ANKH: variants seen among roughly 807,000 people sequenced by gnomAD.
The protein encoded by ANKH is ANKH inorganic pyrophosphate transport regulator.
ANKH carries 15 observed loss-of-function variants against 49.0 expected under a neutral mutation model. That is an observed-to-expected ratio of 0.31 (90% CI 0.20 to 0.47). The LOEUF (loss-of-function observed/expected upper bound fraction) is 0.47. ANKH is among the 20% of genes least tolerant of loss of function. ANKH has a pLI of 1.00. For synonymous variants in ANKH, 273 were observed against 260.0 expected (o/e 1.05, Z -0.48); for missense variants, 429 against 652.0 (o/e 0.66, Z 3.72).
At chr5:14,857,645 C>T (rs962012033) in intron 1 of ANKH, among the ~76,000 whole-genome samples, 17 of 151,730 alleles carry the variant, frequency 1.1e-4, no homozygotes, top group African/African-American at 4.8e-5. Context: ...GCAACAGAGA[C>T]TCCATCTCAA....
intron 1 of ANKH, among the ~76,000 whole-genome samples, chr5:14,787,021 C>G (rs893224235): frequency 6.6e-6 from 1 of 152,144 alleles, no homozygotes; most frequent in Non-Finnish European, 1.5e-5. Context: ...TAGAAAGAGG[C>G]CCAAGAAACA....
intron 8 of ANKH, among the ~76,000 whole-genome samples, chr5:14,731,709 G>A (rs1738008799): frequency 6.6e-6 from 1 of 152,236 alleles, no homozygotes; most frequent in Admixed American, 6.5e-5. Context: ...TCCTAGAAGG[G>A]CCCAGTCCTT....
At chr5:14,823,652 C>T (rs539598224) in intron 1 of ANKH, among the ~76,000 whole-genome samples, 7 of 152,288 alleles carry the variant, frequency 4.6e-5, no homozygotes, top group East Asian at 3.9e-4. Context: ...TTTGGCAGGG[C>T]GCGGTTGCTG....
At chr5:14,828,363 T>C (rs527317814) in intron 1 of ANKH, among the ~76,000 whole-genome samples, 1 of 151,844 alleles carries the variant, frequency 6.6e-6, no homozygotes, top group South Asian at 2.1e-4. Flanking sequence ...CAAAAACAAC[T>C]ATAAAAATCA....
intron 1 of ANKH, among the ~76,000 whole-genome samples, chr5:14,841,349 T>C (rs1011479572): frequency 5.3e-5 from 8 of 151,956 alleles, no homozygotes; most frequent in Non-Finnish European, 1.0e-4. Flanking sequence ...CAGGCTAAAG[T>C]GCAATGGTGC....
chr5:14,757,904 T>C (rs1247031426), intron 3 of ANKH, among the ~76,000 whole-genome samples: 1 of 152,220 alleles, frequency 6.6e-6, no homozygotes, highest in East Asian at 1.9e-4. Context: ...AATTTCTGTA[T>C]GATCCAGCAA....
chr5:14,823,209 T>A (rs994978064), intron 1 of ANKH, among the ~76,000 whole-genome samples: 1 of 152,210 alleles, frequency 6.6e-6, no homozygotes. Flanking sequence ...TTGTAACAGT[T>A]CCATGAGTAG....
intron 5 of ANKH, 109 bp from the exon 6 acceptor site, chr5:14,749,415 T>A: frequency 8.1e-7 from 1 of 1,236,708 alleles, no homozygotes; most frequent in Non-Finnish European, 1.2e-6. Flanking sequence ...GCCAATTCAC[T>A]ATACTTGAAA....
chr5:14,867,635 C>A (rs1041182861), intron 1 of ANKH, among the ~76,000 whole-genome samples: 5 of 152,094 alleles, frequency 3.3e-5, no homozygotes, highest in Admixed American at 1.3e-4. Flanking sequence ...TCTCGGCTCA[C>A]TGCAAGCTCC....
chr5:14,747,013 T>C (rs1308445063), intron 6 of ANKH, among the ~76,000 whole-genome samples: 1 of 152,210 alleles, frequency 6.6e-6, no homozygotes, highest in Non-Finnish European at 1.5e-5. Context: ...CTATTTATTT[T>C]GGATTCTCAA....
intron 1 of ANKH, among the ~76,000 whole-genome samples, chr5:14,778,162 T>A (rs1416619343): frequency 6.6e-6 from 1 of 152,066 alleles, no homozygotes; most frequent in Non-Finnish European, 1.5e-5. Context: ...CGGCCTGGGG[T>A]CATCCTGATC....
intron 1 of ANKH, among the ~76,000 whole-genome samples, chr5:14,814,951 T>G (rs1740988173): frequency 6.6e-6 from 1 of 152,246 alleles, no homozygotes; most frequent in Non-Finnish European, 1.5e-5. Context: ...ACTTTATCCG[T>G]ACTTCAAAAC....
At chr5:14,733,296 T>G (rs1190007043) in intron 8 of ANKH, among the ~76,000 whole-genome samples, 1 of 152,216 alleles carries the variant, frequency 6.6e-6, no homozygotes, top group Non-Finnish European at 1.5e-5. Flanking sequence ...ATGGCACCAT[T>G]AAAACCCATT....
At chr5:14,772,205 G>A (rs1415092955) in intron 1 of ANKH, among the ~76,000 whole-genome samples, 5 of 152,144 alleles carry the variant, frequency 3.3e-5, no homozygotes, top group Admixed American at 6.5e-5. Context: ...AAAACCAGAG[G>A]GCTTCACGTT....
At chr5:14,761,628 G>T (rs941281573) in intron 2 of ANKH, among the ~76,000 whole-genome samples, 10 of 152,092 alleles carry the variant, frequency 6.6e-5, no homozygotes, top group Non-Finnish European at 1.3e-4. Context: ...CTTGCTATGT[G>T]CGCTCCAGAT....
intron 1 of ANKH, among the ~76,000 whole-genome samples, chr5:14,837,762 T>C (rs1238322652): frequency 8.5e-5 from 13 of 152,186 alleles, no homozygotes; most frequent in Admixed American, 8.5e-4. Context: ...GACCCAGCCA[T>C]CCCATTACTG....
At chr5:14,746,047 T>G (rs2126474719) in intron 6 of ANKH, 85 bp from the exon 7 acceptor site, 1 of 1,076,784 alleles carries the variant, frequency 9.3e-7, no homozygotes, top group Non-Finnish European at 1.4e-6. Flanking sequence ...GCACGCCGAC[T>G]CAGGTGCAGC....
At chr5:14,748,789 T>C (rs1476945782) in intron 6 of ANKH, among the ~76,000 whole-genome samples, 1 of 152,260 alleles carries the variant, frequency 6.6e-6, no homozygotes, top group Non-Finnish European at 1.5e-5. Flanking sequence ...TCCATCATCC[T>C]CTGCCACCAC....
chr5:14,709,846 G>T lies in ANKH; in HGVS notation c.*1351C>A, dbSNP rs771287493. The stretch of plus-strand genomic sequence containing the variant: ...ATTAGAGACATTTTATTGAAAATGC[G>T]AAAATAGGAAATGTATTATAGCCTA... On this transcript the variant is annotated 3_prime_UTR_variant, in exon 12 of 12. Coordinates refer to ENST00000284268, the MANE Select transcript of ANKH (RefSeq NM_054027.6). 3 of 152,580 alleles carry T rather than the reference G, an allele frequency of 2.0e-5. No homozygotes were observed. The highest frequency in any genetic ancestry group is 7.2e-5 in the African/African-American group (3 of 41,424). 9.5% of individuals were successfully genotyped at this position (152,580 alleles called of 1,614,324 possible).
Sources: gnomAD v4.1 joint callset for allele counts (sites outside exome capture counted in the v4.1 genomes callset) on GRCh38, gnomAD v4.1.1 for gene constraint, MANE v1.5 for transcripts, NCBI Gene and HGNC (gene_info 2026-07-23, HGNC 2026-07-21) for gene names.